The following PM20D2 variants were observed in gnomAD, a reference collection of about 807,000 sequenced individuals.
PM20D2 encodes the protein peptidase M20 domain containing 2.
A neutral mutation model predicts 42.9 loss-of-function variants in PM20D2; 33 were observed. The observed-to-expected ratio is 0.77, with a 90% confidence interval of 0.58 to 1.03. The LOEUF is 1.03. PM20D2 is among the 50% of genes least tolerant of loss of function. The probability of loss-of-function intolerance (pLI) is 0.00; values close to 1 mark genes in which losing one functional copy is unlikely to be tolerated. For synonymous variants in PM20D2, 250 were observed against 228.2 expected, an observed-to-expected ratio of 1.10 and a Z score of -0.86; for missense variants, 548 against 557.0, an observed-to-expected ratio of 0.98 and a Z score of 0.16.
chr6:89,162,085 T>C (rs1582356095), intron 6 of PM20D2, 24 bp from the exon 7 acceptor site: 2 of 1,591,166 alleles, frequency 1.3e-6, no homozygotes, highest in East Asian at 4.5e-5. Context: ...AGTAAGGAGG[T>C]ATTTTATTTT....
rs751746441 is a variant in PM20D2 at position 89,149,384 on chromosome 6, T to C, written c.585T>C (p.Ala195=). The change falls in exon 2 of 7, where the codon GCT becomes GCC. Residue 195 remains alanine, a synonymous_variant. Coordinates refer to ENST00000275072, the MANE Select transcript of PM20D2 (RefSeq NM_001010853.3). ...TGGCCCACCCATCACAAGAGAATGC[T>C]GCTTATCTACCAGATATGGCTGAAC... is the stretch of plus-strand genomic sequence containing the variant. ...VFMAHPSQEN[A]AYLPDMAEHD... is the part of the protein sequence containing the mutation. 1.2e-6 allele frequency: 2 copies of C among 1,614,104 alleles called. No homozygotes were observed. The highest frequency in any genetic ancestry group is 2.2e-5 in the East Asian group (1 of 44,866).
At chr6:89,158,296 T>G (rs1438860081) in intron 4 of PM20D2, 29 bp from the exon 5 acceptor site, 1 of 1,554,990 alleles carries the variant, frequency 6.4e-7, no homozygotes. Context: ...GTTTTTTATT[T>G]CAAAATTTGT....
the PM20D2 span, among the ~76,000 whole-genome samples, chr6:89,118,272 C>T: frequency 6.6e-6 from 1 of 151,958 alleles, no homozygotes; most frequent in Non-Finnish European, 1.5e-5. Flanking sequence ...GAGGCCGCGG[C>T]GGGGACGCCG....
the PM20D2 span, among the ~76,000 whole-genome samples, chr6:89,118,419 T>G: frequency 6.6e-6 from 1 of 152,182 alleles, no homozygotes. Flanking sequence ...CCTTGGCAGT[T>G]GGTAGGCCTC....
At chr6:89,094,440 G>A in the PM20D2 span, among the ~76,000 whole-genome samples, 2 of 151,868 alleles carry the variant, frequency 1.3e-5, no homozygotes, top group African/African-American at 4.8e-5. Flanking sequence ...GGCTGGTCTC[G>A]AACCCCTGGC....
rs1582357183 is a variant in PM20D2, at chr6:89,162,657, C to T, written c.*394C>T. 2 of 158,842 alleles carry T rather than the reference C, an allele frequency of 1.3e-5. No individual in the cohort carries two copies. Among genetic ancestry groups the T allele is most frequent in the South Asian group, 1.9e-4 (1 of 5,376 alleles). 9.8% of individuals were successfully genotyped at this position (158,842 alleles called of 1,614,324 possible). A position where few individuals can be genotyped will look rare whatever the true frequency, so the allele number is the denominator to read the frequency against. On this transcript the variant is annotated 3_prime_UTR_variant, in exon 7 of 7. Coordinates refer to ENST00000275072, the MANE Select transcript of PM20D2 (RefSeq NM_001010853.3). ...TTTAAAAGCTTAAGAGATTTCAAAC[C>T]TTATATTCAGAATTGACACCCATGA...
chr6:89,152,994 C>T (rs768218077), intron 2 of PM20D2, 49 bp from the exon 3 acceptor site: 2 of 1,473,262 alleles, frequency 1.4e-6, no homozygotes, highest in Non-Finnish European at 1.8e-6. Flanking sequence ...GATTTTCTTA[C>T]TTTAGCAATA....
At chr6:89,136,507 C>G in the PM20D2 span, among the ~76,000 whole-genome samples, 1 of 150,640 alleles carries the variant, frequency 6.6e-6, no homozygotes, top group East Asian at 1.9e-4. Flanking sequence ...GAAACCCCGT[C>G]TCTACTAAAA....
intron 1 of PM20D2, among the ~76,000 whole-genome samples, chr6:89,147,057 C>T (rs1770605553): frequency 1.3e-5 from 2 of 152,162 alleles, no homozygotes; most frequent in African/African-American, 4.8e-5. Flanking sequence ...TTGTTTGTGG[C>T]AGTCCTAGAA....
chr6:89,160,622 C>T (rs1771203222), intron 5 of PM20D2, among the ~76,000 whole-genome samples: 1 of 152,198 alleles, frequency 6.6e-6, no homozygotes, highest in Non-Finnish European at 1.5e-5. Flanking sequence ...GCTAGATGCA[C>T]AGTCATTTCA....
At chr6:89,139,524 T>G in the PM20D2 span, among the ~76,000 whole-genome samples, 10 of 152,298 alleles carry the variant, frequency 6.6e-5, no homozygotes, top group African/African-American at 2.4e-4. Flanking sequence ...TATTTCACTT[T>G]AATTACCTCC....
the PM20D2 span, among the ~76,000 whole-genome samples, chr6:89,110,983 G>A: frequency 1.3e-5 from 2 of 152,080 alleles, no homozygotes; most frequent in South Asian, 2.1e-4. Context: ...GCTGGGCGTG[G>A]TGTCTATAAT....
At chr6:89,156,664 T>C (rs1201301986) in intron 4 of PM20D2, among the ~76,000 whole-genome samples, 1 of 151,956 alleles carries the variant, frequency 6.6e-6, no homozygotes, top group Non-Finnish European at 1.5e-5. Context: ...CTGTTAACCT[T>C]GGAGGAAGGT....
At chr6:89,127,033 A>T in the PM20D2 span, among the ~76,000 whole-genome samples, 1 of 152,226 alleles carries the variant, frequency 6.6e-6, no homozygotes, top group South Asian at 2.1e-4. Context: ...CAAGTTCATA[A>T]TTATACTAAA....
At position 89,146,459 on chromosome 6, in the gene PM20D2, G is replaced by A. The variant is rs1770557991; in HGVS notation, c.315G>A (p.Pro105=). The A allele has an allele frequency of 1.3e-6, 2 of 1,523,028 alleles. No homozygotes were observed. The highest frequency in any genetic ancestry group is 1.8e-6 in the Non-Finnish European group (2 of 1,142,674). The allele number at this position is 1,523,028 out of a possible 1,614,324, so 94.3% of individuals were successfully genotyped here. The change falls in exon 1 of 7, where the codon CCG becomes CCA. Residue 105 remains proline (P), a synonymous_variant. Coordinates refer to ENST00000275072, the MANE Select transcript of PM20D2 (RefSeq NM_001010853.3). The part of the protein sequence containing the change: ...EARAPSATPR[P]LHLGFLCEYD... The stretch of plus-strand genomic sequence containing the variant: ...GGGCACCGAGCGCCACGCCACGCCC[G>A]CTGCACCTGGGCTTCCTCTGCGAGT...
chr6:89,146,498 C>G lies in PM20D2; in HGVS notation c.354C>G (p.Pro118=), dbSNP rs1380927973. The change falls in exon 1 of 7, where the codon CCC becomes CCG. Residue 118 remains proline, a synonymous_variant. Transcript: ENST00000275072. ...LGFLCEYDAL[P]GIGHACGHNL... ...TCCTCTGCGAGTACGACGCGCTGCCCGGCATCGGCCACGCCTGCGGCCACA... is the reference window on the plus strand; with the variant it reads ...TCCTCTGCGAGTACGACGCGCTGCCGGGCATCGGCCACGCCTGCGGCCACA... 6.6e-7 allele frequency: 1 copy of G among 1,523,568 alleles called. No individual in the cohort carries two copies. Among genetic ancestry groups the G allele is most frequent in the South Asian group, 1.2e-5 (1 of 82,678 alleles). 94.4% of individuals were successfully genotyped at this position (1,523,568 alleles called of 1,614,324 possible). A position where few individuals can be genotyped will look rare whatever the true frequency, so the allele number is the denominator to read the frequency against.
the PM20D2 span, among the ~76,000 whole-genome samples, chr6:89,094,412 A>G: frequency 6.6e-6 from 1 of 150,626 alleles, no homozygotes; most frequent in Non-Finnish European, 1.5e-5. Context: ...TAGAAACGGG[A>G]TTTCACTATG....
chr6:89,144,643 T>A (rs996199037), upstream of PM20D2, among the ~76,000 whole-genome samples: 1 of 152,244 alleles, frequency 6.6e-6, no homozygotes, highest in African/African-American at 2.4e-5. Flanking sequence ...TAACAAATGC[T>A]AAGCCCTTGG....
chr6:89,095,283 T>C, the PM20D2 span, among the ~76,000 whole-genome samples: 1 of 152,252 alleles, frequency 6.6e-6, no homozygotes, highest in South Asian at 2.1e-4. Context: ...TTGAGTATAG[T>C]GACACCATCT....
Sources: allele counts gnomAD v4.1 joint callset (sites outside exome capture counted in the v4.1 genomes callset), GRCh38; gene constraint gnomAD v4.1.1; transcripts MANE v1.5; gene names NCBI Gene and HGNC (gene_info 2026-07-23, HGNC 2026-07-21).